Variants in MEGF11 observed in about 807,000 individuals in gnomAD.
MEGF11 encodes the protein multiple EGF like domains 11.
MEGF11 carries 126 observed loss-of-function variants against 146.6 expected under a neutral mutation model. The ratio of observed to expected loss-of-function variants is 0.86; its 90% confidence interval spans 0.74 to 1.00. The LOEUF (loss-of-function observed/expected upper bound fraction) is 1.00, where lower values mean the gene tolerates loss of function less well. MEGF11 is among the 50% of genes least tolerant of loss of function. The probability of loss-of-function intolerance (pLI) is 0.00; values close to 1 mark genes in which losing one functional copy is unlikely to be tolerated. For missense variants in MEGF11, 1,509 were observed against 1,521.2 expected (o/e 0.99, Z 0.13); for synonymous variants, 532 against 583.4 (o/e 0.91, Z 1.27).
At chr15:66,225,892 C>T (rs1177991865) in intron 1 of MEGF11, among the ~76,000 whole-genome samples, 2 of 152,202 alleles carry the variant, frequency 1.3e-5, no homozygotes, top group Non-Finnish European at 2.9e-5. Flanking sequence ...CACACATTCA[C>T]TCCCACCCAC....
chr15:66,140,154 C>T (rs2089078328), intron 1 of MEGF11, among the ~76,000 whole-genome samples: 1 of 152,196 alleles, frequency 6.6e-6, no homozygotes, highest in South Asian at 2.1e-4. Context: ...TTCATACCCA[C>T]TCCTGAACAA....
intron 5 of MEGF11, among the ~76,000 whole-genome samples, chr15:66,029,394 T>G (rs2083442509): frequency 6.6e-6 from 1 of 152,202 alleles, no homozygotes; most frequent in African/African-American, 2.4e-5. Context: ...ACACTCACCT[T>G]TCCTGACCTC....
At chr15:65,929,931 G>A (rs2079514542) in intron 11 of MEGF11, 48 bp from the exon 12 acceptor site, 3 of 1,544,430 alleles carry the variant, frequency 1.9e-6, no homozygotes, top group Non-Finnish European at 1.8e-6. Flanking sequence ...GGCCCAGTGT[G>A]TCTTTTTTGC....
At chr15:66,062,225 C>T (rs2084935588) in intron 5 of MEGF11, among the ~76,000 whole-genome samples, 1 of 152,228 alleles carries the variant, frequency 6.6e-6, no homozygotes, top group Non-Finnish European at 1.5e-5. Context: ...CCATGTTTGT[C>T]CCCTCCCATC....
intron 1 of MEGF11, among the ~76,000 whole-genome samples, chr15:66,180,491 C>T (rs1309287804): frequency 6.6e-6 from 1 of 152,228 alleles, no homozygotes. Context: ...GGAGCCCTCG[C>T]CTCACAGGCG....
intron 1 of MEGF11, among the ~76,000 whole-genome samples, chr15:66,152,500 A>T (rs1356582806): frequency 6.6e-6 from 1 of 151,852 alleles, no homozygotes; most frequent in Non-Finnish European, 1.5e-5. Context: ...GCATAGGCTG[A>T]CCCTTGATAT....
chr15:66,167,933 CT>C (rs1238384548), intron 1 of MEGF11, among the ~76,000 whole-genome samples: 1 of 152,174 alleles, frequency 6.6e-6, no homozygotes. Flanking sequence ...CCTTTCCCCC[CT>C]GAACCCCTGC....
intron 13 of MEGF11, among the ~76,000 whole-genome samples, chr15:65,926,320 G>C (rs1430551120): frequency 1.3e-5 from 2 of 152,210 alleles, no homozygotes; most frequent in Non-Finnish European, 2.9e-5. Context: ...AAGGTTGGTG[G>C]AGATAATCTT....
chr15:66,178,423 C>T (rs2090450970), intron 1 of MEGF11, among the ~76,000 whole-genome samples: 1 of 152,180 alleles, frequency 6.6e-6, no homozygotes, highest in African/African-American at 2.4e-5. Context: ...CTTGCTCTTC[C>T]TATTAATACC....
chr15:65,898,477 C>T, intron 25 of MEGF11: 5 of 985,180 alleles, frequency 5.1e-6, no homozygotes, highest in Non-Finnish European at 4.8e-6. Context: ...GTGCATGTGC[C>T]CATTTCCCAC....
chr15:66,047,940 C>T (rs1405558421), intron 5 of MEGF11, among the ~76,000 whole-genome samples: 1 of 135,222 alleles, frequency 7.4e-6, no homozygotes, highest in African/African-American at 2.7e-5. Context: ...TCTCCATGGG[C>T]CCTGGGAGGA....
chr15:66,095,167 A>G (rs903739543), intron 4 of MEGF11, among the ~76,000 whole-genome samples: 46 of 152,340 alleles, frequency 3.0e-4, no homozygotes, highest in Middle Eastern at 3.4e-3. Flanking sequence ...CTGAGGTGGG[A>G]GGTTACAGCG....
chr15:66,022,365 C>T (rs907492988), intron 5 of MEGF11, among the ~76,000 whole-genome samples: 2 of 152,272 alleles, frequency 1.3e-5, no homozygotes, highest in Admixed American at 6.5e-5. Context: ...GGCAGCTGTG[C>T]TTTGACCACA....
At chr15:66,095,716 C>T (rs2086516744) in intron 4 of MEGF11, among the ~76,000 whole-genome samples, 1 of 152,156 alleles carries the variant, frequency 6.6e-6, no homozygotes, top group African/African-American at 2.4e-5. Context: ...TTTCACATGC[C>T]CCACTGGTCA....
intron 5 of MEGF11, among the ~76,000 whole-genome samples, chr15:66,021,182 C>G (rs550057420): frequency 1.3e-5 from 2 of 152,304 alleles, no homozygotes; most frequent in Admixed American, 6.5e-5. Context: ...CCCACCCCTA[C>G]CTTGTCTGGT....
chr15:66,115,606 G>T (rs926561387), intron 4 of MEGF11, among the ~76,000 whole-genome samples: 4 of 151,156 alleles, frequency 2.6e-5, no homozygotes, highest in African/African-American at 9.8e-5. Context: ...AGGCAATCAA[G>T]GGTCTTAAAC....
chr15:65,925,669 A>T (rs186844071), intron 13 of MEGF11, among the ~76,000 whole-genome samples: 3 of 152,142 alleles, frequency 2.0e-5, no homozygotes, highest in Non-Finnish European at 4.4e-5. Context: ...TTCTTACTCT[A>T]GGGAACCCCC....
At position 66,112,950 on chromosome 15, in the gene MEGF11, A is replaced by G. The variant is rs192047817; in HGVS notation, c.301+6136T>C. The stretch of plus-strand genomic sequence containing the variant: ...GAGGCTGAACCTAGGAGAGTGATGC[A>G]AGAGATGATGAGCAAAGGAATTAGG... On this transcript the variant is annotated intron_variant, in intron 4 of 25. Transcript: ENST00000395614. Among the ~76,000 whole-genome samples the G allele has an allele frequency of 7.3e-4, 111 of 152,386 alleles. 1 individual carries two copies. The Middle Eastern group carries it at 0.02, about 28-fold the overall frequency.
intron 1 of MEGF11, among the ~76,000 whole-genome samples, chr15:66,176,821 G>T (rs1031756633): frequency 6.6e-6 from 1 of 152,318 alleles, no homozygotes; most frequent in African/African-American, 2.4e-5. Flanking sequence ...GGTTCTGTCT[G>T]CCTGAGAGAT....
Sources: allele counts gnomAD v4.1 joint callset (sites outside exome capture counted in the v4.1 genomes callset), GRCh38; gene constraint gnomAD v4.1.1; transcripts MANE v1.5; gene names NCBI Gene and HGNC (gene_info 2026-07-23, HGNC 2026-07-21).